EPHA5: variants seen among roughly 807,000 people sequenced by gnomAD.
The protein encoded by EPHA5 is ephrin type-A receptor 5.
Under a neutral mutation model 105.0 loss-of-function variants are expected in EPHA5, and 60 were observed. That is an observed-to-expected ratio of 0.57 (90% CI 0.46 to 0.71). The LOEUF (loss-of-function observed/expected upper bound fraction) is 0.71, where lower values mean the gene tolerates loss of function less well. Among genes scored for constraint, EPHA5 ranks in the 30% least tolerant of loss-of-function variants. The pLI is 0.00. For synonymous variants in EPHA5, 513 were observed against 449.1 expected, an observed-to-expected ratio of 1.14 and a Z score of -1.80; for missense variants, 1,218 against 1,274.7, an observed-to-expected ratio of 0.96 and a Z score of 0.68.
intron 3 of EPHA5, among the ~76,000 whole-genome samples, chr4:65,553,340 T>A (rs1178013901): frequency 3.3e-5 from 5 of 152,064 alleles, no homozygotes; most frequent in Non-Finnish European, 5.9e-5. Flanking sequence ...ATACAGAAAC[T>A]TGGAAGAAGA....
chr4:65,439,432 A>T (rs10003638), intron 5 of EPHA5, among the ~76,000 whole-genome samples: 5 of 142,594 alleles, frequency 3.5e-5, no homozygotes, highest in East Asian at 2.2e-4. Context: ...CTCCACCCCC[A>T]CACCACCCCC....
chr4:65,387,678 C>A lies in EPHA5; in HGVS notation c.1793+16696G>T, dbSNP rs993397624. Among the ~76,000 whole-genome samples, 12 of 151,936 alleles carry A rather than the reference C, an allele frequency of 7.9e-5. No homozygotes were observed. The East Asian group carries it at 2.3e-3, about 30-fold the overall frequency. On this transcript the variant is annotated intron_variant, in intron 8 of 16. Transcript: ENST00000613740. ...TGGAACAGGTAGAACAGGGCTGAGTCAGGAAAAGTTAGATATCAACAACAC... is the reference window on the plus strand; with the variant it reads ...TGGAACAGGTAGAACAGGGCTGAGTAAGGAAAAGTTAGATATCAACAACAC...
chr4:65,488,003 G>T (rs1215746800), intron 5 of EPHA5, among the ~76,000 whole-genome samples: 5 of 151,990 alleles, frequency 3.3e-5, no homozygotes, highest in African/African-American at 1.2e-4. Context: ...TGATGTTTTG[G>T]GTAGGTTTGC....
chr4:65,366,058 C>T lies in EPHA5; in HGVS notation c.1862-1G>A, dbSNP rs2148893082. The T allele has an allele frequency of 6.3e-7, 1 of 1,593,418 alleles. No individual in the cohort carries two copies. Among genetic ancestry groups the T allele is most frequent in the Non-Finnish European group, 8.6e-7 (1 of 1,165,040 alleles). On this transcript the variant is annotated splice_acceptor_variant, in intron 9 of 16. Transcript: ENST00000613740. LOFTEE classifies it high-confidence loss of function. ...TAAGTTCTTACTCCTGGCAGTTTAA[C>T]TGTAAATATAAATTGGCATTAAAAC...
At chr4:65,577,291 C>A (rs1356688514) in intron 3 of EPHA5, among the ~76,000 whole-genome samples, 1 of 151,970 alleles carries the variant, frequency 6.6e-6, no homozygotes, top group East Asian at 1.9e-4. Context: ...GTCTTTTCTA[C>A]CTATTGAACC....
At chr4:65,660,235 T>C (rs1578718775) in intron 1 of EPHA5, among the ~76,000 whole-genome samples, 1 of 152,228 alleles carries the variant, frequency 6.6e-6, no homozygotes, top group Non-Finnish European at 1.5e-5. Flanking sequence ...AATACAACAT[T>C]TACAACCCAT....
chr4:65,346,084 C>CT (rs5858952), intron 14 of EPHA5, among the ~76,000 whole-genome samples: 68,439 of 145,272 alleles, frequency 0.47, 16,502 homozygotes, highest in Non-Finnish European at 0.53. Context: ...TTTTCTCTCT[C>CT]TTTTTTTTTT....
At chr4:65,476,423 TC>T (rs1729829265) in intron 5 of EPHA5, among the ~76,000 whole-genome samples, 1 of 152,068 alleles carries the variant, frequency 6.6e-6, no homozygotes, top group Non-Finnish European at 1.5e-5. Context: ...CAAAATCATG[TC>T]TTTTGCAGCA....
At chr4:65,588,683 A>G (rs980987532) in intron 3 of EPHA5, among the ~76,000 whole-genome samples, 1 of 152,194 alleles carries the variant, frequency 6.6e-6, no homozygotes, top group Non-Finnish European at 1.5e-5. Flanking sequence ...CATTAACAAC[A>G]TGCCTGGTTG....
In EPHA5 at chr4:65,348,752, T is replaced by C. The variant is rs1306067788; in HGVS notation, c.2446-549A>G. Among the ~76,000 whole-genome samples the C allele has an allele frequency of 3.7e-5, 5 of 135,414 alleles. 1 individual carries two copies. Among genetic ancestry groups the C allele is most frequent in the Non-Finnish European group, 6.3e-5 (4 of 63,220 alleles). 88.8% of individuals were successfully genotyped at this position (135,414 alleles called of 152,430 possible). A position where few individuals can be genotyped will look rare whatever the true frequency, so the allele number is the denominator to read the frequency against. On this transcript the variant is annotated intron_variant, in intron 13 of 16. Transcript: ENST00000613740. ...GTGTGTATATATATGTGTGTGCATA[T>C]ATATATGTGTATATATATGTGTGTG...
intron 8 of EPHA5, among the ~76,000 whole-genome samples, chr4:65,383,209 CAT>C (rs1158333423): frequency 7.7e-6 from 1 of 129,612 alleles, no homozygotes; most frequent in East Asian, 2.4e-4. Flanking sequence ...CATCATGATG[CAT>C]ATATGATATA....
chr4:65,657,928 T>G (rs1253016821), intron 1 of EPHA5, among the ~76,000 whole-genome samples: 7 of 150,940 alleles, frequency 4.6e-5, no homozygotes, highest in Non-Finnish European at 1.0e-4. Flanking sequence ...AAAGATATTT[T>G]ACTGCCAGTT....
At chr4:65,543,454 A>G (rs1199875621) in intron 3 of EPHA5, among the ~76,000 whole-genome samples, 1 of 151,722 alleles carries the variant, frequency 6.6e-6, no homozygotes, top group East Asian at 1.9e-4. Flanking sequence ...GCCAAATCAC[A>G]AAGTAACTCC....
intron 8 of EPHA5, among the ~76,000 whole-genome samples, chr4:65,379,433 T>G (rs1211465852): frequency 2.0e-5 from 3 of 151,774 alleles, no homozygotes; most frequent in Non-Finnish European, 4.4e-5. Flanking sequence ...ACTTCTATTT[T>G]ATTGTATTTG....
At chr4:65,348,715 GTATA>G (rs1332904631) in intron 13 of EPHA5, among the ~76,000 whole-genome samples, 1 of 115,574 alleles carries the variant, frequency 8.7e-6, no homozygotes, top group Non-Finnish European at 1.8e-5. Context: ...ATATGTGTGT[GTATA>G]TATATGTGTG....
At chr4:65,394,095 T>A (rs1186311868) in intron 8 of EPHA5, among the ~76,000 whole-genome samples, 1 of 152,140 alleles carries the variant, frequency 6.6e-6, no homozygotes, top group Non-Finnish European at 1.5e-5. Flanking sequence ...GACATTTAAT[T>A]TGCATGATTT....
intron 1 of EPHA5, among the ~76,000 whole-genome samples, chr4:65,654,240 T>G (rs1748863447): frequency 7.8e-6 from 1 of 128,496 alleles, no homozygotes; most frequent in African/African-American, 2.9e-5. Context: ...ACTTCTTTCT[T>G]GAAAAAAAAA....
At chr4:65,607,356 A>G (rs568629788) in intron 2 of EPHA5, among the ~76,000 whole-genome samples, 1 of 152,168 alleles carries the variant, frequency 6.6e-6, no homozygotes, top group Non-Finnish European at 1.5e-5. Flanking sequence ...GCTTATGCAC[A>G]GCAAAAGAAA....
chr4:65,534,518 A>C (rs1286278110), intron 3 of EPHA5, among the ~76,000 whole-genome samples: 1 of 152,248 alleles, frequency 6.6e-6, no homozygotes, highest in Admixed American at 6.5e-5. Context: ...ATAAAAGAAA[A>C]AATGAAAAAC....
Sources: gnomAD v4.1 joint callset for allele counts (sites outside exome capture counted in the v4.1 genomes callset) on GRCh38, gnomAD v4.1.1 for gene constraint, MANE v1.5 for transcripts, NCBI Gene and HGNC (gene_info 2026-07-23, HGNC 2026-07-21) for gene names.